The following TENM4 variants were observed in gnomAD, a reference collection of about 807,000 sequenced individuals.
TENM4 encodes the protein teneurin-4.
A neutral mutation model predicts 243.3 loss-of-function variants in TENM4; 82 were observed. That is an observed-to-expected ratio of 0.34 (90% confidence interval 0.28 to 0.40). The LOEUF (loss-of-function observed/expected upper bound fraction) is 0.40, where lower values mean the gene tolerates loss of function less well. TENM4 is among the 10% of genes least tolerant of loss of function. The pLI is 1.00. For missense variants in TENM4, 3,138 were observed against 3,673.3 expected, an observed-to-expected ratio of 0.85 and a Z score of 3.77; for synonymous variants, 1,412 against 1,456.3, an observed-to-expected ratio of 0.97 and a Z score of 0.69.
chr11:79,121,704 G>T (rs544973702), intron 4 of TENM4, among the ~76,000 whole-genome samples: 101 of 152,264 alleles, frequency 6.6e-4, no homozygotes, highest in Middle Eastern at 6.8e-3. Context: ...CTGCACAGTT[G>T]GCTCAGGAAC....
intron 2 of TENM4, among the ~76,000 whole-genome samples, chr11:79,269,903 G>A (rs1483979596): frequency 6.6e-6 from 1 of 152,136 alleles, no homozygotes; most frequent in Non-Finnish European, 1.5e-5. Flanking sequence ...TCAACCAGCA[G>A]GATTAACTAC....
chr11:79,301,288 C>T (rs893378570), intron 1 of TENM4, among the ~76,000 whole-genome samples: 10 of 152,266 alleles, frequency 6.6e-5, no homozygotes, highest in South Asian at 4.2e-4. Context: ...CTGTACTGCT[C>T]GGGTATTGCA....
intron 2 of TENM4, among the ~76,000 whole-genome samples, chr11:79,234,950 G>C (rs1864436544): frequency 6.6e-6 from 1 of 152,116 alleles, no homozygotes; most frequent in Admixed American, 6.6e-5. Context: ...CAAATATCTG[G>C]CATTGGGCTC....
At chr11:78,768,505 C>T (rs1856585906) in intron 18 of TENM4, among the ~76,000 whole-genome samples, 1 of 152,242 alleles carries the variant, frequency 6.6e-6, no homozygotes, top group African/African-American at 2.4e-5. Flanking sequence ...CTCTCTCTCT[C>T]TAGATTGTGA....
chr11:79,295,997 C>T (rs1196957157), intron 2 of TENM4, among the ~76,000 whole-genome samples: 5 of 151,694 alleles, frequency 3.3e-5, no homozygotes, highest in Non-Finnish European at 7.4e-5. Flanking sequence ...GTATCATGTA[C>T]ATTACAGCAT....
At chr11:79,349,320 A>G (rs1857377754) in intron 1 of TENM4, among the ~76,000 whole-genome samples, 1 of 152,094 alleles carries the variant, frequency 6.6e-6, no homozygotes, top group Non-Finnish European at 1.5e-5. Flanking sequence ...ACCCAAATAG[A>G]AAAAAAAGAT....
chr11:79,073,662 C>T (rs1860471443), intron 4 of TENM4, among the ~76,000 whole-genome samples: 1 of 152,066 alleles, frequency 6.6e-6, no homozygotes, highest in South Asian at 2.1e-4. Context: ...GTATGCATCC[C>T]CCACTGACCG....
chr11:79,135,886 G>A (rs2137175612), intron 4 of TENM4, among the ~76,000 whole-genome samples: 1 of 151,118 alleles, frequency 6.6e-6, no homozygotes, highest in South Asian at 2.1e-4. Flanking sequence ...AGCATTTGCA[G>A]AAATCTGGAT....
intron 1 of TENM4, among the ~76,000 whole-genome samples, chr11:79,299,353 C>T (rs1264027128): frequency 6.6e-6 from 1 of 152,192 alleles, no homozygotes; most frequent in African/African-American, 2.4e-5. Context: ...CGGGACCAGG[C>T]CTCTGCTTGC....
At chr11:79,326,783 C>T (rs1001387463) in intron 1 of TENM4, among the ~76,000 whole-genome samples, 1 of 152,214 alleles carries the variant, frequency 6.6e-6, no homozygotes, top group Non-Finnish European at 1.5e-5. Context: ...TCATGGCTGT[C>T]TCCTAAGCTA....
At chr11:78,918,492 C>A (rs991102265) in intron 6 of TENM4, among the ~76,000 whole-genome samples, 1 of 151,572 alleles carries the variant, frequency 6.6e-6, no homozygotes, top group Non-Finnish European at 1.5e-5. Flanking sequence ...CCAATCAGCC[C>A]AGTTCAGGTT....
intron 3 of TENM4, among the ~76,000 whole-genome samples, chr11:79,183,904 T>C (rs1322712860): frequency 6.6e-6 from 1 of 152,142 alleles, no homozygotes; most frequent in Non-Finnish European, 1.5e-5. Flanking sequence ...GCATTACTGG[T>C]GGGAATGTAA....
At chr11:79,011,899 G>A (rs183845213) in intron 6 of TENM4, among the ~76,000 whole-genome samples, 9 of 152,238 alleles carry the variant, frequency 5.9e-5, no homozygotes, top group African/African-American at 2.2e-4. Context: ...ACTAAATACC[G>A]ATACAGTTCC....
intron 3 of TENM4, among the ~76,000 whole-genome samples, chr11:79,169,485 C>T (rs1170861602): frequency 2.6e-5 from 4 of 152,132 alleles, no homozygotes; most frequent in Non-Finnish European, 5.9e-5. Context: ...CCTTCCTCTT[C>T]CCCCAAGCTG....
At chr11:79,340,321 G>C (rs1857220711) in intron 1 of TENM4, among the ~76,000 whole-genome samples, 1 of 152,156 alleles carries the variant, frequency 6.6e-6, no homozygotes, top group South Asian at 2.1e-4. Context: ...GGGAGGTGGG[G>C]TCAGGGGGAG....
chr11:78,758,989 T>C (rs1257511005), intron 18 of TENM4, among the ~76,000 whole-genome samples: 2 of 152,358 alleles, frequency 1.3e-5, no homozygotes, highest in East Asian at 3.9e-4. Flanking sequence ...TCCCCAAATC[T>C]AGCATAGTAT....
At chr11:78,920,584 C>CA (rs1856426798) in intron 6 of TENM4, among the ~76,000 whole-genome samples, 2 of 152,250 alleles carry the variant, frequency 1.3e-5, no homozygotes, top group South Asian at 4.2e-4. Flanking sequence ...CACACTTACT[C>CA]ACATTGATTT....
chr11:79,259,411 ATTCC>A (rs1855753658), intron 2 of TENM4, among the ~76,000 whole-genome samples: 1 of 152,156 alleles, frequency 6.6e-6, no homozygotes, highest in Admixed American at 6.6e-5. Flanking sequence ...ATATGTAAAA[ATTCC>A]TTCCTTCCTA....
At chr11:78,733,096 G>A (rs1239923539) in intron 20 of TENM4, among the ~76,000 whole-genome samples, 1 of 152,164 alleles carries the variant, frequency 6.6e-6, no homozygotes, top group Non-Finnish European at 1.5e-5. Context: ...AAGATTCTAT[G>A]ACTCCACAGC....
Sources: allele counts gnomAD v4.1 joint callset (sites outside exome capture counted in the v4.1 genomes callset), GRCh38; gene constraint gnomAD v4.1.1; transcripts MANE v1.5; gene names NCBI Gene and HGNC (gene_info 2026-07-23, HGNC 2026-07-21).